Variants in LIPC observed in about 807,000 individuals in gnomAD.
LIPC encodes lipase C, hepatic type.
LIPC carries 44 observed loss-of-function variants against 50.7 expected under a neutral mutation model. That is an observed-to-expected ratio of 0.87 (90% CI 0.68 to 1.11). The LOEUF (loss-of-function observed/expected upper bound fraction) is 1.11. Ranked by LOEUF, LIPC falls within the 50% of genes most tolerant of loss-of-function variation. The probability of loss-of-function intolerance (pLI) is 0.00; values close to 1 mark genes in which losing one functional copy is unlikely to be tolerated. For missense variants in LIPC, 697 were observed against 648.2 expected (o/e 1.08, Z -0.82); for synonymous variants, 271 against 256.4 (o/e 1.06, Z -0.54).
At chr15:58,500,846 A>T (rs911136429) in intron 1 of LIPC, among the ~76,000 whole-genome samples, 2 of 150,680 alleles carry the variant, frequency 1.3e-5, no homozygotes, top group Admixed American at 1.3e-4. Context: ...CTCATCCTCT[A>T]TATTATCCAA....
At chr15:58,558,383 C>T (rs1179448731) in intron 6 of LIPC, among the ~76,000 whole-genome samples, 1 of 152,172 alleles carries the variant, frequency 6.6e-6, no homozygotes, top group African/African-American at 2.4e-5. Context: ...TGTTTTCTTA[C>T]TTCTCACCCA....
intron 1 of LIPC, among the ~76,000 whole-genome samples, chr15:58,489,720 T>C (rs2899630): frequency 0.12 from 18,085 of 152,130 alleles, 1,273 homozygotes; most frequent in Non-Finnish European, 0.17. Flanking sequence ...TAAGGGATGA[T>C]AGAAAATTTG....
intron 6 of LIPC, among the ~76,000 whole-genome samples, chr15:58,552,388 G>A (rs1472130625): frequency 6.6e-6 from 1 of 152,206 alleles, no homozygotes; most frequent in Non-Finnish European, 1.5e-5. Context: ...TGGCCTCGGC[G>A]TAGGACCAAG....
intron 1 of LIPC, among the ~76,000 whole-genome samples, chr15:58,486,743 A>G (rs1891389930): frequency 6.6e-6 from 1 of 152,216 alleles, no homozygotes; most frequent in African/African-American, 2.4e-5. Context: ...CACAGATGCC[A>G]AAGAACTGGT....
intron 1 of LIPC, chr15:58,533,047 A>T: frequency 2.0e-6 from 1 of 503,330 alleles, no homozygotes; most frequent in Non-Finnish European, 2.6e-6. Context: ...TCCTGGATAC[A>T]GGGGCTGAAT....
At chr15:58,464,313 G>A (rs1457847771) in intron 1 of LIPC, among the ~76,000 whole-genome samples, 4 of 152,134 alleles carry the variant, frequency 2.6e-5, no homozygotes, top group Non-Finnish European at 5.9e-5. Context: ...GGGTAGTGCC[G>A]CCTGTGTGAA....
intron 1 of LIPC, among the ~76,000 whole-genome samples, chr15:58,449,712 A>G (rs1381630005): frequency 2.6e-5 from 4 of 152,020 alleles, no homozygotes; most frequent in Admixed American, 1.3e-4. Flanking sequence ...GCTAATTTCT[A>G]TATTTTTAAT....
At chr15:58,467,718 A>G (rs191163399) in intron 1 of LIPC, among the ~76,000 whole-genome samples, 22 of 152,250 alleles carry the variant, frequency 1.4e-4, no homozygotes, top group Admixed American at 7.8e-4. Flanking sequence ...TATTTTGGAA[A>G]CTTCCCACTC....
At chr15:58,489,006 T>A (rs899624514) in intron 1 of LIPC, among the ~76,000 whole-genome samples, 2 of 151,928 alleles carry the variant, frequency 1.3e-5, no homozygotes, top group Non-Finnish European at 2.9e-5. Context: ...CAAATGAGAG[T>A]GTGCATCTGC....
intron 4 of LIPC, among the ~76,000 whole-genome samples, 160 bp from the exon 5 acceptor site, chr15:58,545,582 G>A (rs1225729999): frequency 6.6e-6 from 1 of 152,184 alleles, no homozygotes; most frequent in Non-Finnish European, 1.5e-5. Flanking sequence ...TGGTTTTACT[G>A]AGAAAAGGTT....
At chr15:58,449,132 G>A (rs1238349857) in intron 1 of LIPC, among the ~76,000 whole-genome samples, 2 of 152,298 alleles carry the variant, frequency 1.3e-5, no homozygotes, top group South Asian at 2.1e-4. Context: ...AGGCTCCAAG[G>A]GCCCTTTGTC....
chr15:58,504,234 C>G (rs545612262), intron 1 of LIPC, among the ~76,000 whole-genome samples: 1 of 152,288 alleles, frequency 6.6e-6, no homozygotes, highest in South Asian at 2.1e-4. Flanking sequence ...CATTCCAACC[C>G]CATCTGGGGT....
intron 1 of LIPC, chr15:58,522,028 G>GGTAGAGTT (rs1312407398): frequency 6.6e-6 from 1 of 152,152 alleles, no homozygotes; most frequent in Non-Finnish European, 1.5e-5. Context: ...ACCTGGGGCA[G>GGTAGAGTT]GTAGAGTTGG....
intron 6 of LIPC, among the ~76,000 whole-genome samples, chr15:58,559,137 GAA>G (rs1280553534): frequency 6.6e-6 from 1 of 152,206 alleles, no homozygotes; most frequent in African/African-American, 2.4e-5. Context: ...ATTGATTGAT[GAA>G]GAGATGAATT....
intron 1 of LIPC, among the ~76,000 whole-genome samples, chr15:58,519,117 A>G (rs1269364966): frequency 1.3e-5 from 2 of 152,072 alleles, no homozygotes; most frequent in Non-Finnish European, 2.9e-5. Context: ...AATTAACAGA[A>G]CTACACTTCA....
chr15:58,513,184 G>T lies in LIPC; in HGVS notation c.89-25149G>T, dbSNP rs534436023. Among the ~76,000 whole-genome samples, 6 of 152,306 alleles carry T rather than the reference G, an allele frequency of 3.9e-5. 1 individual carries two copies. In the South Asian group the frequency reaches 1.2e-3, roughly 32 times the overall value. ...ATTTAATGGAAGCTTAACAGATTCA[G>T]ATTTCTCTAATATTCCACATCCCCT... On this transcript the variant is annotated intron_variant, in intron 1 of 8. Transcript: ENST00000299022.
At chr15:58,489,780 C>G (rs1891520506) in intron 1 of LIPC, among the ~76,000 whole-genome samples, 1 of 152,132 alleles carries the variant, frequency 6.6e-6, no homozygotes, top group African/African-American at 2.4e-5. Context: ...GACCTTCTGG[C>G]CTTTCACTGG....
chr15:58,550,804 A>AC (rs1893724071), intron 6 of LIPC, among the ~76,000 whole-genome samples: 1 of 112,010 alleles, frequency 8.9e-6, no homozygotes. Flanking sequence ...CTTGTACCAC[A>AC]CCCTCTCCTT....
chr15:58,488,443 G>A (rs1460354696), intron 1 of LIPC, among the ~76,000 whole-genome samples: 5 of 152,224 alleles, frequency 3.3e-5, no homozygotes, highest in African/African-American at 9.6e-5. Context: ...TAGGCACTGT[G>A]CTAGGTGTTT....
Sources: gnomAD v4.1 joint callset for allele counts (sites outside exome capture counted in the v4.1 genomes callset) on GRCh38, gnomAD v4.1.1 for gene constraint, MANE v1.5 for transcripts, NCBI Gene and HGNC (gene_info 2026-07-23, HGNC 2026-07-21) for gene names.